TAFA4: variants seen among roughly 807,000 people sequenced by gnomAD.
TAFA4 encodes the protein chemokine-like protein TAFA-4.
Under a neutral mutation model 21.1 loss-of-function variants are expected in TAFA4, and 20 were observed. The ratio of observed to expected loss-of-function variants is 0.95; its 90% CI spans 0.67 to 1.38. The LOEUF is 1.38. Ranked by LOEUF, TAFA4 falls within the 40% of genes most tolerant of loss-of-function variation. The pLI, the probability that TAFA4 is intolerant of heterozygous loss-of-function variation, is 0.00. For synonymous variants in TAFA4, 71 were observed against 67.4 expected (o/e 1.05, Z -0.26); for missense variants, 211 against 180.9 (o/e 1.17, Z -0.95).
rs1433325265 is a variant in TAFA4, at chr3:68,783,734, AAAGAAAGAAAGT to A, written c.131-30728_131-30717del. Among the ~76,000 whole-genome samples, 5 of 151,180 alleles carry A rather than the reference AAAGAAAGAAAGT, an allele frequency of 3.3e-5. No homozygotes were observed. The East Asian group carries it at 7.7e-4, about 23-fold the overall frequency. ...AAGAAAAAGAAAGAAAGAAAGAAAG[AAAGAAAGAAAGT>A]AAGAAAGAAAGAAACAAAAACAAAG... On this transcript the variant is annotated intron_variant, in intron 3 of 5. Transcript: ENST00000295569.
At chr3:68,883,388 C>A (rs2089638652) in intron 2 of TAFA4, among the ~76,000 whole-genome samples, 1 of 152,208 alleles carries the variant, frequency 6.6e-6, no homozygotes, top group Non-Finnish European at 1.5e-5. Flanking sequence ...TAGGGCTTAT[C>A]TGATTAGGTC....
chr3:68,839,664 G>A (rs1351211229), intron 3 of TAFA4, among the ~76,000 whole-genome samples: 1 of 152,132 alleles, frequency 6.6e-6, no homozygotes, highest in East Asian at 1.9e-4. Flanking sequence ...CCTGACATAT[G>A]GCCTGGAGCT....
chr3:68,831,157 G>C (rs1488702230), intron 3 of TAFA4, among the ~76,000 whole-genome samples: 11 of 152,182 alleles, frequency 7.2e-5, no homozygotes, highest in Non-Finnish European at 1.5e-4. Flanking sequence ...GCCAGTCTGT[G>C]TCTTTTAATT....
At chr3:68,733,378 G>A (rs1234893803) in intron 5 of TAFA4, among the ~76,000 whole-genome samples, 1 of 152,164 alleles carries the variant, frequency 6.6e-6, no homozygotes, top group Non-Finnish European at 1.5e-5. Context: ...GTATTATGCA[G>A]TCTGGCTTTG....
At chr3:68,912,167 G>A (rs573462327) in intron 1 of TAFA4, among the ~76,000 whole-genome samples, 30 of 152,230 alleles carry the variant, frequency 2.0e-4, no homozygotes, top group Non-Finnish European at 3.2e-4. Context: ...ACTCCTAAAG[G>A]GGAATATGAG....
At chr3:68,909,357 C>G (rs1314154613) in intron 1 of TAFA4, among the ~76,000 whole-genome samples, 2 of 152,156 alleles carry the variant, frequency 1.3e-5, no homozygotes, top group Non-Finnish European at 2.9e-5. Flanking sequence ...ACAGTTACAA[C>G]AATATCAATT....
intron 1 of TAFA4, among the ~76,000 whole-genome samples, chr3:68,900,214 C>T (rs1030210479): frequency 2.7e-5 from 4 of 149,054 alleles, no homozygotes; most frequent in African/African-American, 9.8e-5. Flanking sequence ...TGTACTTCAG[C>T]TTGGGTGACA....
chr3:68,817,340 C>T (rs1704004145), intron 3 of TAFA4, among the ~76,000 whole-genome samples: 2 of 152,150 alleles, frequency 1.3e-5, no homozygotes, highest in South Asian at 4.1e-4. Context: ...AACTCTCTTG[C>T]TATTTCTACT....
At chr3:68,757,056 C>T (rs997477500) in intron 3 of TAFA4, among the ~76,000 whole-genome samples, 4 of 152,148 alleles carry the variant, frequency 2.6e-5, no homozygotes, top group South Asian at 2.1e-4. Flanking sequence ...GAAATGTCCT[C>T]CCATTGGTCA....
intron 3 of TAFA4, among the ~76,000 whole-genome samples, chr3:68,858,247 G>A (rs770306847): frequency 3.9e-5 from 6 of 152,144 alleles, no homozygotes; most frequent in East Asian, 1.9e-4. Context: ...GGAAATGCAC[G>A]GCATCCTTTC....
intron 3 of TAFA4, among the ~76,000 whole-genome samples, chr3:68,772,169 C>T (rs1032468024): frequency 2.0e-5 from 3 of 152,118 alleles, no homozygotes; most frequent in South Asian, 2.1e-4. Flanking sequence ...TTTCAATCCA[C>T]GTTCAACGAA....
intron 3 of TAFA4, among the ~76,000 whole-genome samples, chr3:68,861,103 T>C (rs548621500): frequency 1.4e-5 from 2 of 141,500 alleles, no homozygotes; most frequent in South Asian, 4.6e-4. Flanking sequence ...AACAGTTTCC[T>C]AAAGGGACAC....
intron 1 of TAFA4, among the ~76,000 whole-genome samples, chr3:68,896,360 C>G (rs777830503): frequency 6.6e-6 from 1 of 152,238 alleles, no homozygotes; most frequent in Middle Eastern, 3.4e-3. Flanking sequence ...CTACTGCAGC[C>G]ATCCAAGCAA....
At chr3:68,903,449 T>C (rs2089863964) in intron 1 of TAFA4, among the ~76,000 whole-genome samples, 1 of 152,226 alleles carries the variant, frequency 6.6e-6, no homozygotes, top group South Asian at 2.1e-4. Flanking sequence ...CTCATTAAAG[T>C]TTATCAGCAA....
At chr3:68,822,224 C>T (rs1430559947) in intron 3 of TAFA4, among the ~76,000 whole-genome samples, 2 of 152,126 alleles carry the variant, frequency 1.3e-5, no homozygotes, top group East Asian at 1.9e-4. Flanking sequence ...CATTTGGATG[C>T]CTACTATGTG....
intron 3 of TAFA4, among the ~76,000 whole-genome samples, chr3:68,836,428 T>A (rs2106886559): frequency 6.6e-6 from 1 of 152,332 alleles, no homozygotes; most frequent in East Asian, 1.9e-4. Context: ...CTGCTGACTA[T>A]GAAGAAGCCT....
intron 3 of TAFA4, among the ~76,000 whole-genome samples, chr3:68,792,446 T>C (rs984765354): frequency 1.3e-5 from 2 of 152,186 alleles, no homozygotes; most frequent in African/African-American, 4.8e-5. Flanking sequence ...CTAGGTGTTC[T>C]GATTTTTAAA....
At chr3:68,764,343 A>G (rs968951172) in intron 3 of TAFA4, among the ~76,000 whole-genome samples, 1 of 152,126 alleles carries the variant, frequency 6.6e-6, no homozygotes, top group African/African-American at 2.4e-5. Context: ...AAGATCAACA[A>G]CTTCTTGAAG....
intron 3 of TAFA4, among the ~76,000 whole-genome samples, chr3:68,838,900 C>T (rs1324768987): frequency 6.6e-6 from 1 of 152,072 alleles, no homozygotes; most frequent in Non-Finnish European, 1.5e-5. Context: ...AGTTTGAGAC[C>T]AGCCTGGGCA....
Sources: gnomAD v4.1 joint callset for allele counts (sites outside exome capture counted in the v4.1 genomes callset) on GRCh38, gnomAD v4.1.1 for gene constraint, MANE v1.5 for transcripts, NCBI Gene and HGNC (gene_info 2026-07-23, HGNC 2026-07-21) for gene names.